The following SLC6A15 variants were observed in gnomAD, a reference collection of about 807,000 sequenced individuals.
SLC6A15 encodes sodium-dependent neutral amino acid transporter B(0)AT2.
A neutral mutation model predicts 68.5 loss-of-function variants in SLC6A15; 33 were observed. The observed-to-expected ratio is 0.48, with a 90% CI of 0.37 to 0.64. SLC6A15 has a LOEUF of 0.64. Ranked by LOEUF, SLC6A15 falls within the 30% of genes least tolerant of loss-of-function variation. The pLI, the probability that SLC6A15 is intolerant of heterozygous loss-of-function variation, is 0.00. For missense variants in SLC6A15, 747 were observed against 874.3 expected (o/e 0.85, Z 1.84); for synonymous variants, 347 against 301.0 (o/e 1.15, Z -1.58).
At chr12:84,902,614 G>C (rs1872937249) in intron 1 of SLC6A15, among the ~76,000 whole-genome samples, 1 of 151,936 alleles carries the variant, frequency 6.6e-6, no homozygotes, top group Non-Finnish European at 1.5e-5. Context: ...GTTTCAATGG[G>C]TGAATGGTTA....
chr12:84,864,665 G>C (rs1870994925), intron 10 of SLC6A15, among the ~76,000 whole-genome samples: 2 of 151,786 alleles, frequency 1.3e-5, no homozygotes, highest in African/African-American at 2.4e-5. Context: ...TTTCTTCCAA[G>C]TTGCTCCAGA....
chr12:84,891,889 A>G lies in SLC6A15; in HGVS notation c.232T>C (p.Ser78Pro). ...CGCCACACATTTCCTAAACCTACAG[A>G]AAATCCAACTTGGGCCAGGATGTAT... ...LQYILAQVGF[S>P]VGLGNVWRFP... The change falls in exon 2 of 12, where the codon TCT becomes CCT. Residue 78 changes from serine to proline, a missense_variant. Physicochemically the swap from Ser to Pro is moderately conservative, Grantham distance 74. Coordinates refer to ENST00000266682, the MANE Select transcript of SLC6A15 (RefSeq NM_182767.6). The G allele has an allele frequency of 6.2e-7, 1 of 1,614,104 alleles. No individual in the cohort carries two copies. Among genetic ancestry groups the G allele is most frequent in the Non-Finnish European group, 8.5e-7 (1 of 1,179,988 alleles).
chr12:84,869,386 C>A (rs924832850), intron 9 of SLC6A15, among the ~76,000 whole-genome samples: 1 of 143,386 alleles, frequency 7.0e-6, no homozygotes, highest in African/African-American at 2.5e-5. Context: ...GGCGTGAACC[C>A]GGGAGGCGGA....
intron 4 of SLC6A15, 70 bp downstream of exon 4, chr12:84,885,365 C>A: frequency 2.2e-6 from 3 of 1,343,444 alleles, no homozygotes; most frequent in Non-Finnish European, 2.9e-6. Context: ...AGAAAAAAAT[C>A]TTGAAAGCTT....
chr12:84,904,348 A>G (rs139233779), intron 1 of SLC6A15, among the ~76,000 whole-genome samples: 1 of 152,108 alleles, frequency 6.6e-6, no homozygotes, highest in Middle Eastern at 3.2e-3. Flanking sequence ...TAACACACCA[A>G]TTAGAGCAAA....
intron 1 of SLC6A15, 79 bp from the exon 2 acceptor site, chr12:84,892,387 A>G (rs1565729908): frequency 3.5e-6 from 1 of 284,874 alleles, no homozygotes; most frequent in Non-Finnish European, 6.4e-6. Context: ...TTTTATTTTT[A>G]TGATAGAAAC....
chr12:84,877,124 T>G (rs921830423), intron 5 of SLC6A15, among the ~76,000 whole-genome samples: 2 of 152,190 alleles, frequency 1.3e-5, no homozygotes, highest in Non-Finnish European at 2.9e-5. Context: ...ATTTTCACTG[T>G]TAAACAGTTC....
At chr12:84,877,807 A>C (rs1871624417) in intron 5 of SLC6A15, among the ~76,000 whole-genome samples, 1 of 152,140 alleles carries the variant, frequency 6.6e-6, no homozygotes, top group South Asian at 2.1e-4. Flanking sequence ...AGCACTTAGC[A>C]CTTTTCAAAT....
At chr12:84,897,408 G>T (rs1371798714) in intron 1 of SLC6A15, among the ~76,000 whole-genome samples, 1 of 151,894 alleles carries the variant, frequency 6.6e-6, no homozygotes, top group Non-Finnish European at 1.5e-5. Context: ...ACTTCTAATT[G>T]GTATAGCCAA....
intron 5 of SLC6A15, chr12:84,883,151 GA>G (rs60034973): frequency 0.33 from 241,132 of 721,476 alleles, 3,103 homozygotes; most frequent in South Asian, 0.4. Context: ...CTGTGATAAT[GA>G]AAAAAAAAAA....
Position 84,887,862 on chromosome 12 carries a change from T to C in SLC6A15, c.290-1794A>G, listed in dbSNP as rs190578075. On this transcript the variant is annotated intron_variant, in intron 2 of 11. Transcript: ENST00000266682. The stretch of plus-strand genomic sequence containing the variant: ...TGAAGAACCCTTAAAGAACTGAAAG[T>C]AGATCTACATTCAATCCAGCAAGCC... Among the ~76,000 whole-genome samples the C allele has an allele frequency of 3.3e-5, 5 of 151,904 alleles. No homozygotes were observed. The East Asian group carries it at 9.7e-4, about 30-fold the overall frequency.
At chr12:84,911,341 C>G (rs1420478494) in intron 1 of SLC6A15, among the ~76,000 whole-genome samples, 1 of 152,158 alleles carries the variant, frequency 6.6e-6, no homozygotes, top group African/African-American at 2.4e-5. Context: ...TTGGGTCTAC[C>G]TATAAGATCT....
At position 84,879,820 on chromosome 12, in the gene SLC6A15, G is replaced by A. The variant is rs1275902112; in HGVS notation, c.757-3213C>T. ...ATTGTGGGTTCCATGAGGACAGACT[G>A]TGGCCTATTACTCTTTGCATATCCA... On this transcript the variant is annotated intron_variant, in intron 5 of 11. Coordinates refer to ENST00000266682, the MANE Select transcript of SLC6A15 (RefSeq NM_182767.6). Among the ~76,000 whole-genome samples, 4 of 147,372 alleles carry A rather than the reference G, an allele frequency of 2.7e-5. No homozygotes were observed. The East Asian group carries it at 5.8e-4, about 21-fold the overall frequency.
chr12:84,876,415 C>A, intron 6 of SLC6A15, 82 bp downstream of exon 6: 1 of 755,108 alleles, frequency 1.3e-6, no homozygotes, highest in Non-Finnish European at 2.1e-6. Flanking sequence ...AACAATTATT[C>A]CTTAAATATA....
intron 2 of SLC6A15, among the ~76,000 whole-genome samples, chr12:84,888,078 A>C (rs781147801): frequency 2.0e-5 from 3 of 149,962 alleles, no homozygotes; most frequent in Non-Finnish European, 4.4e-5. Flanking sequence ...AAAAAAATAA[A>C]ATAAAATACA....
intron 6 of SLC6A15, among the ~76,000 whole-genome samples, chr12:84,874,071 T>C (rs946673651): frequency 1.3e-5 from 2 of 152,190 alleles, no homozygotes; most frequent in Non-Finnish European, 2.9e-5. Context: ...TAATAAACAG[T>C]TCCTTTTGAT....
In SLC6A15 at chr12:84,863,422, C is replaced by T. The variant is rs779339529; in HGVS notation, c.1818+17G>A. 2.0e-6 allele frequency: 3 copies of T among 1,534,614 alleles called. No homozygotes were observed. The highest frequency in any genetic ancestry group is 1.7e-6 in the Non-Finnish European group (2 of 1,150,268). ...TATATATCTTTTAAAAATGTAATTC[C>T]CTTATTTTGTATTTACCTTATCTTC... On this transcript the variant is annotated intron_variant, in intron 11 of 11. Transcript: ENST00000266682.
intron 1 of SLC6A15, among the ~76,000 whole-genome samples, chr12:84,895,267 C>A (rs973212518): frequency 3.3e-5 from 5 of 151,114 alleles, no homozygotes; most frequent in Admixed American, 6.6e-5. Context: ...ATGAATGAAC[C>A]GAAAGGTTTA....
chr12:84,872,800 A>C lies in SLC6A15; in HGVS notation c.1110-6T>G. The C allele has an allele frequency of 6.3e-7, 1 of 1,596,156 alleles. No individual in the cohort carries two copies. Among genetic ancestry groups the C allele is most frequent in the Non-Finnish European group, 8.5e-7 (1 of 1,173,414 alleles). ...TCATGATCGTCTCTGAATTTCTGAA[A>C]AATAAAACAACATACAAATGAGCAC... On this transcript the variant is annotated splice_polypyrimidine_tract_variant and splice_region_variant and intron_variant, in intron 7 of 11. Coordinates refer to ENST00000266682, the MANE Select transcript of SLC6A15 (RefSeq NM_182767.6).
Sources: gnomAD v4.1 joint callset for allele counts (sites outside exome capture counted in the v4.1 genomes callset) on GRCh38, gnomAD v4.1.1 for gene constraint, MANE v1.5 for transcripts, NCBI Gene and HGNC (gene_info 2026-07-23, HGNC 2026-07-21) for gene names.